The following DSCAM variants were observed in gnomAD, a reference collection of about 807,000 sequenced individuals.
DSCAM encodes cell adhesion molecule DSCAM.
DSCAM carries 47 observed loss-of-function variants against 217.7 expected under a neutral mutation model. The ratio of observed to expected loss-of-function variants is 0.22; its 90% CI spans 0.17 to 0.28. The LOEUF is 0.28. Among genes scored for constraint, DSCAM ranks in the 10% least tolerant of loss-of-function variants. DSCAM has a pLI of 1.00. For missense variants in DSCAM, 2,080 were observed against 2,618.3 expected (o/e 0.79, Z 4.49); for synonymous variants, 1,056 against 1,015.3 (o/e 1.04, Z -0.76).
At chr21:40,657,296 A>T (rs535382085) in intron 3 of DSCAM, among the ~76,000 whole-genome samples, 2 of 152,292 alleles carry the variant, frequency 1.3e-5, no homozygotes, top group South Asian at 2.1e-4. Flanking sequence ...CTATCCCCAG[A>T]GGTTACTTTT....
intron 19 of DSCAM, among the ~76,000 whole-genome samples, chr21:40,128,436 A>AAGGGCTTGTTCAGGTG (rs1182787964): frequency 1.8e-4 from 28 of 151,912 alleles, no homozygotes; most frequent in African/African-American, 6.3e-4. Flanking sequence ...GGCAAAGGTG[A>AAGGGCTTGTTCAGGTG]AGGGCTTGTT....
At chr21:40,638,537 G>A (rs1339313544) in intron 3 of DSCAM, among the ~76,000 whole-genome samples, 1 of 152,138 alleles carries the variant, frequency 6.6e-6, no homozygotes, top group Non-Finnish European at 1.5e-5. Flanking sequence ...TTAAATATAA[G>A]ATAGACAGTC....
At chr21:40,047,828 TTCCCTCAGGGCCACTGCTAGTCCCA>T (rs2088866521) in intron 30 of DSCAM, among the ~76,000 whole-genome samples, 1 of 152,192 alleles carries the variant, frequency 6.6e-6, no homozygotes, top group South Asian at 2.1e-4. Flanking sequence ...CCCCAGGTAT[TTCCCTCAGGGCCACTGCTAGTCCCA>T]TCCTGGGTAA....
At chr21:40,535,384 G>A (rs369206086) in intron 3 of DSCAM, among the ~76,000 whole-genome samples, 41 of 152,268 alleles carry the variant, frequency 2.7e-4, no homozygotes, top group East Asian at 7.7e-4. Flanking sequence ...ATGTGATGGC[G>A]TGTGTTCAGA....
chr21:40,715,347 T>C (rs1015281262), intron 1 of DSCAM, among the ~76,000 whole-genome samples: 4 of 152,234 alleles, frequency 2.6e-5, no homozygotes, highest in Non-Finnish European at 5.9e-5. Flanking sequence ...CGTTTTTCTC[T>C]TGGTCTCCAT....
intron 3 of DSCAM, among the ~76,000 whole-genome samples, chr21:40,468,209 T>A (rs188863385): frequency 3.2e-4 from 48 of 152,298 alleles, no homozygotes; most frequent in Admixed American, 1.6e-3. Flanking sequence ...ATTCTCTTTC[T>A]CTTTCCCCAA....
intron 3 of DSCAM, among the ~76,000 whole-genome samples, chr21:40,480,985 C>T (rs758777780): frequency 5.3e-5 from 8 of 152,210 alleles, no homozygotes; most frequent in Non-Finnish European, 1.2e-4. Flanking sequence ...TGCTTTTGCC[C>T]TCTGGGCCTA....
At chr21:40,161,449 T>A (rs985792333) in intron 16 of DSCAM, among the ~76,000 whole-genome samples, 5 of 152,162 alleles carry the variant, frequency 3.3e-5, no homozygotes, top group African/African-American at 1.2e-4. Context: ...GATATGAACC[T>A]TTTATGATAA....
At chr21:40,027,018 T>G (rs1313399091) in intron 32 of DSCAM, among the ~76,000 whole-genome samples, 1 of 152,312 alleles carries the variant, frequency 6.6e-6, no homozygotes, top group East Asian at 1.9e-4. Context: ...CTGGTACCGG[T>G]TGTTCCTTTC....
At chr21:40,186,696 C>T (rs1486435313) in intron 14 of DSCAM, among the ~76,000 whole-genome samples, 2 of 152,180 alleles carry the variant, frequency 1.3e-5, no homozygotes, top group African/African-American at 4.8e-5. Flanking sequence ...ACAGTTTATC[C>T]GACCAACACC....
intron 8 of DSCAM, among the ~76,000 whole-genome samples, chr21:40,336,143 C>T (rs1010249829): frequency 6.6e-6 from 1 of 152,188 alleles, no homozygotes; most frequent in Admixed American, 6.5e-5. Context: ...AGCAGCACGG[C>T]TATTTTCAAG....
chr21:40,397,858 A>G (rs201960359), intron 3 of DSCAM, among the ~76,000 whole-genome samples: 1 of 151,938 alleles, frequency 6.6e-6, no homozygotes, highest in Non-Finnish European at 1.5e-5. Flanking sequence ...TACCACCACC[A>G]CTACTACCAC....
intron 3 of DSCAM, among the ~76,000 whole-genome samples, chr21:40,656,059 A>G (rs2090071935): frequency 6.6e-6 from 1 of 152,064 alleles, no homozygotes; most frequent in South Asian, 2.1e-4. Flanking sequence ...CTCAAAACAA[A>G]ACAAAAATAA....
intron 3 of DSCAM, among the ~76,000 whole-genome samples, chr21:40,474,188 G>T (rs930115500): frequency 6.6e-6 from 1 of 152,138 alleles, no homozygotes; most frequent in African/African-American, 2.4e-5. Context: ...AGCTACTTGG[G>T]AGGCTGAGGC....
At chr21:40,263,072 C>A (rs1026570680) in intron 11 of DSCAM, among the ~76,000 whole-genome samples, 2 of 152,096 alleles carry the variant, frequency 1.3e-5, no homozygotes, top group African/African-American at 4.8e-5. Flanking sequence ...AAATGCCATA[C>A]AAAATTCAAA....
chr21:40,147,483 T>C (rs1474493), intron 16 of DSCAM, among the ~76,000 whole-genome samples: 72,044 of 152,190 alleles, frequency 0.47, 19,695 homozygotes, highest in South Asian at 0.63. Flanking sequence ...AGAAAATTCT[T>C]TACATTTTTC....
chr21:40,532,866 CTCTGTGTGTGTGTGTGTG>C (rs2076458955), intron 3 of DSCAM, among the ~76,000 whole-genome samples: 1 of 103,778 alleles, frequency 9.6e-6, no homozygotes, highest in East Asian at 3.0e-4. Context: ...AGCCACAAGG[CTCTGTGTGTGTGTGTGTG>C]TGTGTGTGTG....
At chr21:40,739,135 T>C (rs982076768) in intron 1 of DSCAM, among the ~76,000 whole-genome samples, 1 of 152,220 alleles carries the variant, frequency 6.6e-6, no homozygotes, top group African/African-American at 2.4e-5. Context: ...ATTATAGTCT[T>C]ATCTTGTCAC....
In DSCAM at chr21:40,682,772, AGG is replaced by A. The variant is rs2090425660; in HGVS notation, c.508+10036_508+10037del. Among the ~76,000 whole-genome samples, 2 of 4,286 alleles carry A rather than the reference AGG, an allele frequency of 4.7e-4. 1 individual carries two copies. Among genetic ancestry groups the A allele is most frequent in the African/African-American group, 1.7e-3 (2 of 1,160 alleles). The allele number at this position is 4,286 out of a possible 152,430, so 2.8% of individuals were successfully genotyped here. ...GCGGAGGGGGGGGGGAGGGGAGGGAAGGAGAGGGGAGGGGAGGGGAGGGAAGG... is the reference window on the plus strand; with the variant it reads ...GCGGAGGGGGGGGGGAGGGGAGGGAAAGAGGGGAGGGGAGGGGAGGGAAGG... On this transcript the variant is annotated intron_variant, in intron 3 of 32. Coordinates refer to ENST00000400454, the MANE Select transcript of DSCAM (RefSeq NM_001389.5).
Sources: gnomAD v4.1 joint callset for allele counts (sites outside exome capture counted in the v4.1 genomes callset) on GRCh38, gnomAD v4.1.1 for gene constraint, MANE v1.5 for transcripts, NCBI Gene and HGNC (gene_info 2026-07-23, HGNC 2026-07-21) for gene names.